Variants in SLF1 observed in about 807,000 individuals in gnomAD.
SLF1 encodes SMC5/6 complex localization factor 1, also known as SMC5-SMC6 complex localization factor protein 1.
SLF1 carries 105 observed loss-of-function variants against 123.0 expected under a neutral mutation model. The ratio of observed to expected loss-of-function variants is 0.85; its 90% confidence interval spans 0.73 to 1.00. The LOEUF is 1.00. SLF1 is among the 50% of genes least tolerant of loss of function. SLF1 has a pLI of 0.00. For missense variants in SLF1, 1,239 were observed against 1,223.0 expected (o/e 1.01, Z -0.20); for synonymous variants, 434 against 406.6 (o/e 1.07, Z -0.81).
At chr5:94,619,373 T>C (rs1791418450) in intron 1 of SLF1, among the ~76,000 whole-genome samples, 1 of 152,150 alleles carries the variant, frequency 6.6e-6, no homozygotes, top group African/African-American at 2.4e-5. Flanking sequence ...ACATACACTT[T>C]TCGCTGAAGG....
intron 4 of SLF1, 80 bp from the exon 5 acceptor site, chr5:94,643,193 A>G: frequency 3.4e-6 from 4 of 1,176,666 alleles, no homozygotes; most frequent in Non-Finnish European, 3.5e-6. Flanking sequence ...TCGTACTCCT[A>G]AGAAATAATT....
At chr5:94,688,782 A>G in intron 17 of SLF1, 113 bp downstream of exon 17, 2 of 1,150,780 alleles carry the variant, frequency 1.7e-6, no homozygotes, top group South Asian at 2.2e-5. Context: ...TACTGATTAG[A>G]TCAAAACTCA....
intron 20 of SLF1, among the ~76,000 whole-genome samples, chr5:94,694,315 C>T (rs561903696): frequency 1.4e-3 from 214 of 151,938 alleles, no homozygotes; most frequent in Admixed American, 2.9e-3. Flanking sequence ...GAACCAGTTA[C>T]CTGTACTAAA....
intron 16 of SLF1, among the ~76,000 whole-genome samples, chr5:94,688,300 G>A (rs1462690476): frequency 2.6e-5 from 4 of 152,032 alleles, no homozygotes; most frequent in Non-Finnish European, 4.4e-5. Flanking sequence ...TTTTAAGAAG[G>A]TGTTTTTCTG....
intron 12 of SLF1, among the ~76,000 whole-genome samples, chr5:94,666,976 T>TTTTA (rs869267356): frequency 7.4e-6 from 1 of 134,778 alleles, no homozygotes; most frequent in East Asian, 2.0e-4. Context: ...TTTTTTTTTT[T>TTTTA]AATTTAAGTG....
chr5:94,632,102 C>A (rs1447154013), intron 4 of SLF1, among the ~76,000 whole-genome samples: 1 of 151,294 alleles, frequency 6.6e-6, no homozygotes, highest in African/African-American at 2.4e-5. Flanking sequence ...GAGCTATGAA[C>A]TGTTTTTCAA....
chr5:94,625,759 C>G (rs1792181002), intron 1 of SLF1, among the ~76,000 whole-genome samples: 1 of 152,168 alleles, frequency 6.6e-6, no homozygotes, highest in Admixed American at 6.5e-5. Context: ...GAAAGCATTT[C>G]TCCCTAGTTG....
In SLF1 at chr5:94,675,635, CTT is replaced by C. The variant is rs558662069; in HGVS notation, c.1828-3170_1828-3169del. ...ATCTAAGAACCTGAGTTGAAAGTGT[CTT>C]TTCATATAAAAACTTACTATTATGG... On this transcript the variant is annotated intron_variant, in intron 14 of 20. Coordinates refer to ENST00000265140, the MANE Select transcript of SLF1 (RefSeq NM_032290.4). Among the ~76,000 whole-genome samples the C allele has an allele frequency of 1.4e-3, 211 of 152,130 alleles. 1 individual carries two copies. Among genetic ancestry groups the C allele is most frequent in the African/African-American group, 4.7e-3 (194 of 41,516 alleles).
At chr5:94,663,599 C>T (rs181929475) in intron 10 of SLF1, 151 bp from the exon 11 acceptor site, 2 of 655,536 alleles carry the variant, frequency 3.1e-6, no homozygotes, top group East Asian at 3.2e-5. Flanking sequence ...GAGCCGAGAT[C>T]GCACCACTGC....
chr5:94,625,943 T>C (rs571509760), intron 1 of SLF1, among the ~76,000 whole-genome samples: 18 of 152,126 alleles, frequency 1.2e-4, no homozygotes, highest in African/African-American at 3.9e-4. Context: ...AATTAACCCA[T>C]GTAAATGGTT....
At chr5:94,661,473 T>G (rs1196361051) in intron 9 of SLF1, among the ~76,000 whole-genome samples, 3 of 152,170 alleles carry the variant, frequency 2.0e-5, no homozygotes, top group Non-Finnish European at 4.4e-5. Flanking sequence ...GTGGAAGAGC[T>G]GAGTGCCAAG....
intron 5 of SLF1, among the ~76,000 whole-genome samples, chr5:94,649,011 G>A (rs550263956): frequency 6.6e-6 from 1 of 152,174 alleles, no homozygotes; most frequent in African/African-American, 2.4e-5. Context: ...TCAAGTAAGA[G>A]TATTGTGTAA....
At chr5:94,648,821 C>G (rs1747364155) in intron 5 of SLF1, among the ~76,000 whole-genome samples, 1 of 152,182 alleles carries the variant, frequency 6.6e-6, no homozygotes, top group African/African-American at 2.4e-5. Flanking sequence ...CTGTCATGAA[C>G]TTTTACTCCC....
In SLF1 at chr5:94,686,728, T is replaced by C. The variant is rs1425472567; in HGVS notation, c.2121+10T>C. The C allele has an allele frequency of 1.2e-6, 2 of 1,606,202 alleles. No individual in the cohort carries two copies. Among genetic ancestry groups the C allele is most frequent in the African/African-American group, 2.7e-5 (2 of 74,396 alleles). On this transcript the variant is annotated intron_variant, in intron 16 of 20. Transcript: ENST00000265140. ...CTCTCTTCAGAAAATGGTAAGTACC[T>C]CTCTATTCTGGTTCTTTACATTTTC...
intron 9 of SLF1, among the ~76,000 whole-genome samples, chr5:94,657,318 A>G (rs1212352386): frequency 6.6e-6 from 1 of 151,974 alleles, no homozygotes; most frequent in African/African-American, 2.4e-5. Context: ...TCGTTTAGGA[A>G]CATGTGATTT....
chr5:94,663,548 G>T (rs1283734959), intron 10 of SLF1, among the ~76,000 whole-genome samples: 1 of 152,244 alleles, frequency 6.6e-6, no homozygotes, highest in Non-Finnish European at 1.5e-5. Flanking sequence ...GGAGGTTGAG[G>T]CAGGAGAATC....
chr5:94,621,564 A>G (rs1463393818), intron 1 of SLF1, among the ~76,000 whole-genome samples: 1 of 152,168 alleles, frequency 6.6e-6, no homozygotes, highest in Non-Finnish European at 1.5e-5. Flanking sequence ...ACCGATATCT[A>G]CTGTCCACCT....
chr5:94,678,807 G>A lies in SLF1; in HGVS notation c.1828-1G>A. On this transcript the variant is annotated splice_acceptor_variant, in intron 14 of 20. Coordinates refer to ENST00000265140, the MANE Select transcript of SLF1 (RefSeq NM_032290.4). LOFTEE classifies it high-confidence loss of function. Reference sequence around the variant, plus strand: ...GTAATTTTTTTGTATCTTAATGTTAGGTCTTCAAACATGAACTAGCTTACT... The same window carrying A: ...GTAATTTTTTTGTATCTTAATGTTAAGTCTTCAAACATGAACTAGCTTACT... 6.2e-7 allele frequency: 1 copy of A among 1,608,814 alleles called. No individual in the cohort carries two copies. Among genetic ancestry groups the A allele is most frequent in the Non-Finnish European group, 8.5e-7 (1 of 1,176,658 alleles).
intron 10 of SLF1, among the ~76,000 whole-genome samples, 177 bp from the exon 11 acceptor site, chr5:94,663,573 G>A (rs2152486588): frequency 6.6e-6 from 1 of 152,346 alleles, no homozygotes; most frequent in Non-Finnish European, 1.5e-5. Context: ...GAACCTGGGA[G>A]ACGGAGGTTG....
Sources: allele counts gnomAD v4.1 joint callset (sites outside exome capture counted in the v4.1 genomes callset), GRCh38; gene constraint gnomAD v4.1.1; transcripts MANE v1.5; gene names NCBI Gene and HGNC (gene_info 2026-07-23, HGNC 2026-07-21).